Variants in PGCKA1 observed in about 807,000 individuals in gnomAD.
The protein encoded by PGCKA1 is PDCD10 and GCKIII kinases associated 1.
At chr4:37,471,107 G>T in the PGCKA1 span, among the ~76,000 whole-genome samples, 5 of 152,188 alleles carry the variant, frequency 3.3e-5, no homozygotes, top group African/African-American at 9.6e-5. Flanking sequence ...ACTAAATTTC[G>T]CAGTTTATTT....
the PGCKA1 span, among the ~76,000 whole-genome samples, chr4:37,503,140 T>C: frequency 6.6e-6 from 1 of 152,268 alleles, no homozygotes; most frequent in South Asian, 2.1e-4. Context: ...CCAACTGTAG[T>C]GTCTGTGATG....
At chr4:37,523,761 T>C in the PGCKA1 span, among the ~76,000 whole-genome samples, 2 of 152,194 alleles carry the variant, frequency 1.3e-5, no homozygotes, top group Non-Finnish European at 2.9e-5. Context: ...AAATATTCAT[T>C]TCTCACAGTT....
At chr4:37,537,359 T>C in the PGCKA1 span, among the ~76,000 whole-genome samples, 145 of 152,314 alleles carry the variant, frequency 9.5e-4, 1 homozygote, top group East Asian at 0.022. Flanking sequence ...TTTGTGCTTG[T>C]GTTTGAGGCT....
At chr4:37,509,250 G>C in the PGCKA1 span, among the ~76,000 whole-genome samples, 1 of 96,374 alleles carries the variant, frequency 1.0e-5, no homozygotes, top group African/African-American at 4.6e-5. Flanking sequence ...CCCAGAAGGG[G>C]TGGCCAGGCA....
chr4:37,491,065 A>T, the PGCKA1 span, among the ~76,000 whole-genome samples: 1 of 152,222 alleles, frequency 6.6e-6, no homozygotes, highest in Non-Finnish European at 1.5e-5. Flanking sequence ...CTAGAATATA[A>T]AGAGCCTGCA....
chr4:37,560,015 G>A, the PGCKA1 span, among the ~76,000 whole-genome samples: 5 of 152,050 alleles, frequency 3.3e-5, no homozygotes, highest in Non-Finnish European at 5.9e-5. Flanking sequence ...GCCTTTATCT[G>A]GGGACTTCCC....
chr4:37,528,646 C>T, the PGCKA1 span, among the ~76,000 whole-genome samples: 5 of 152,078 alleles, frequency 3.3e-5, no homozygotes, highest in African/African-American at 1.2e-4. Context: ...TTTGCAATTG[C>T]CCAGAGAGAG....
the PGCKA1 span, among the ~76,000 whole-genome samples, chr4:37,506,672 GT>G: frequency 6.7e-6 from 1 of 149,712 alleles, no homozygotes; most frequent in Non-Finnish European, 1.5e-5. Flanking sequence ...TATTTAGAAT[GT>G]TTTAAGACCT....
At chr4:37,506,531 A>G in the PGCKA1 span, among the ~76,000 whole-genome samples, 1 of 149,676 alleles carries the variant, frequency 6.7e-6, no homozygotes, top group Non-Finnish European at 1.5e-5. Flanking sequence ...TCATTGAAAC[A>G]CTGGTCATTC....
At chr4:37,536,428 A>G in the PGCKA1 span, among the ~76,000 whole-genome samples, 2 of 152,170 alleles carry the variant, frequency 1.3e-5, no homozygotes, top group African/African-American at 4.8e-5. Flanking sequence ...GCGCAGGATA[A>G]TGGGGTGCCT....
the PGCKA1 span, among the ~76,000 whole-genome samples, chr4:37,537,567 T>A: frequency 0.26 from 39,414 of 152,114 alleles, 6,255 homozygotes; most frequent in African/African-American, 0.44. Flanking sequence ...TAAAGATACA[T>A]GAAGAACATT....
At chr4:37,461,971 T>C in the PGCKA1 span, among the ~76,000 whole-genome samples, 49,776 of 151,824 alleles carry the variant, frequency 0.33, 8,477 homozygotes, top group African/African-American at 0.37. Context: ...TGAACTGTGC[T>C]TCCCAACCTT....
the PGCKA1 span, among the ~76,000 whole-genome samples, chr4:37,483,930 C>G: frequency 6.6e-6 from 1 of 152,182 alleles, no homozygotes; most frequent in Non-Finnish European, 1.5e-5. Context: ...AGTCATTTGA[C>G]TTTTCTCTGT....
the PGCKA1 span, among the ~76,000 whole-genome samples, chr4:37,487,131 A>G: frequency 1.3e-5 from 2 of 152,238 alleles, no homozygotes; most frequent in Admixed American, 6.5e-5. Context: ...CAAGAACCAC[A>G]TGAAATGCTT....
chr4:37,465,026 T>C, the PGCKA1 span, among the ~76,000 whole-genome samples: 1 of 152,290 alleles, frequency 6.6e-6, no homozygotes, highest in South Asian at 2.1e-4. Context: ...AACGTGACCT[T>C]TTCTTGATTC....
chr4:37,462,533 T>C, the PGCKA1 span, among the ~76,000 whole-genome samples: 1 of 152,202 alleles, frequency 6.6e-6, no homozygotes. Context: ...AATTATTTCA[T>C]GGAAAATTGA....
the PGCKA1 span, among the ~76,000 whole-genome samples, chr4:37,576,168 C>T: frequency 3.9e-5 from 6 of 152,116 alleles, no homozygotes; most frequent in East Asian, 9.6e-4. Context: ...CTACAGATTG[C>T]GTTGGGTAGT....
At chr4:37,526,504 C>G in the PGCKA1 span, among the ~76,000 whole-genome samples, 1 of 152,116 alleles carries the variant, frequency 6.6e-6, no homozygotes, top group Non-Finnish European at 1.5e-5. Context: ...CAGCTTTGTT[C>G]TAACAATTAT....
the PGCKA1 span, among the ~76,000 whole-genome samples, chr4:37,554,747 A>AT: frequency 2.0e-3 from 303 of 152,328 alleles, 3 homozygotes; most frequent in African/African-American, 6.9e-3. Context: ...GATGAATAGA[A>AT]TTTTGCAAAC....
Sources: allele counts gnomAD v4.1 joint callset (sites outside exome capture counted in the v4.1 genomes callset), GRCh38; gene constraint gnomAD v4.1.1; transcripts MANE v1.5; gene names NCBI Gene and HGNC (gene_info 2026-07-23, HGNC 2026-07-21).